SUSD1: variants seen among roughly 807,000 people sequenced by gnomAD.
SUSD1 encodes sushi domain containing 1.
In SUSD1, 65 loss-of-function variants were observed where a neutral mutation model predicts 86.9. That is an observed-to-expected ratio of 0.75 (90% CI 0.61 to 0.92). The LOEUF (loss-of-function observed/expected upper bound fraction) is 0.92, where lower values mean the gene tolerates loss of function less well. Ranked by LOEUF, SUSD1 falls within the 40% of genes least tolerant of loss-of-function variation. The pLI, the probability that SUSD1 is intolerant of heterozygous loss-of-function variation, is 0.00. For synonymous variants in SUSD1, 346 were observed against 350.0 expected (o/e 0.99, Z 0.13); for missense variants, 850 against 929.7 (o/e 0.91, Z 1.11).
chr9:112,144,242 GA>G (rs569006676), intron 3 of SUSD1, among the ~76,000 whole-genome samples: 20 of 128,608 alleles, frequency 1.6e-4, no homozygotes, highest in South Asian at 7.2e-4. Flanking sequence ...CCGTCTCAAA[GA>G]AAAAAAAAAA....
chr9:112,138,281 G>GTATATACACATATATATATGTAT (rs1491304710), intron 5 of SUSD1, among the ~76,000 whole-genome samples: 1 of 47,238 alleles, frequency 2.1e-5, no homozygotes, highest in Non-Finnish European at 4.3e-5. Flanking sequence ...ATATATATAT[G>GTATATACACATATATATATGTAT]AAGTCCAGGA....
intron 8 of SUSD1, chr9:112,105,031 G>A (rs922410885): frequency 1.3e-5 from 2 of 152,114 alleles, no homozygotes; most frequent in Non-Finnish European, 2.9e-5. Flanking sequence ...TAAAGGATTA[G>A]ATAATAAAAG....
intron 1 of SUSD1, among the ~76,000 whole-genome samples, chr9:112,159,242 G>A (rs1011267982): frequency 1.3e-5 from 2 of 152,068 alleles, no homozygotes; most frequent in African/African-American, 2.4e-5. Context: ...TTTCAGGAGC[G>A]ACCTAGTAAA....
intron 1 of SUSD1, 120 bp from the exon 2 acceptor site, chr9:112,157,733 G>C (rs1833395237): frequency 2.3e-5 from 14 of 617,676 alleles, no homozygotes; most frequent in Non-Finnish European, 3.9e-5. Flanking sequence ...GACACACCTA[G>C]TCTCATCCTT....
At chr9:112,066,368 T>C (rs189253956) in intron 12 of SUSD1, among the ~76,000 whole-genome samples, 44 of 152,240 alleles carry the variant, frequency 2.9e-4, no homozygotes, top group African/African-American at 1.0e-3. Context: ...AGGGAGACCA[T>C]AGGGACAGGT....
chr9:112,144,589 G>A (rs996118357), intron 3 of SUSD1, among the ~76,000 whole-genome samples: 1 of 152,098 alleles, frequency 6.6e-6, no homozygotes, highest in Non-Finnish European at 1.5e-5. Flanking sequence ...GCCTGGGAAC[G>A]AAGTGAGAAC....
chr9:112,111,797 C>T lies in SUSD1; in HGVS notation c.1028G>A (p.Arg343His), dbSNP rs1231851760. ...TGTGGTCAAGTTGACTGTCTCCTCA[C>T]GAACTGATTCCATAGGGTCCAACCG... is the stretch of plus-strand genomic sequence containing the variant. Reference protein sequence around the residue: ...GQRLDPMESVREETVNLTTDS... With the variant: ...GQRLDPMESVHEETVNLTTDS... Residue 343 changes from arginine (R) to histidine (H), a missense_variant, in exon 8 of 17, where the codon CGT becomes CAT. By Grantham distance (29) the Arg-to-His change is conservative. Coordinates refer to ENST00000374270, the MANE Select transcript of SUSD1 (RefSeq NM_022486.5). The T allele has an allele frequency of 5.0e-6, 8 of 1,614,078 alleles. No homozygotes were observed. Among genetic ancestry groups the T allele is most frequent in the African/African-American group, 2.7e-5 (2 of 74,994 alleles).
chr9:112,092,410 A>G (rs917823424), intron 10 of SUSD1, among the ~76,000 whole-genome samples: 1 of 152,232 alleles, frequency 6.6e-6, no homozygotes, highest in African/African-American at 2.4e-5. Context: ...TTTCTAACTG[A>G]TTCTTAATGT....
chr9:112,078,442 T>C (rs1228322254), intron 12 of SUSD1, 96 bp downstream of exon 12: 20 of 1,251,154 alleles, frequency 1.6e-5, no homozygotes, highest in Admixed American at 2.3e-5. Flanking sequence ...AAGTTCATTA[T>C]ATAATGATAA....
chr9:112,083,149 G>T (rs1408512542), intron 10 of SUSD1, among the ~76,000 whole-genome samples: 1 of 152,180 alleles, frequency 6.6e-6, no homozygotes, highest in Non-Finnish European at 1.5e-5. Flanking sequence ...CCATATTCAT[G>T]AGATGGGATA....
rs1208276727 is a variant in SUSD1, at chr9:112,141,787, A to C, written c.706+533T>G. Among the ~76,000 whole-genome samples the C allele has an allele frequency of 4.1e-5, 6 of 146,408 alleles. No homozygotes were observed. In the South Asian group the frequency reaches 1.3e-3, roughly 31 times the overall value. ...TATAATACATTACATGTAATATATT[A>C]CATATATTGTATATATTGTATATTA... On this transcript the variant is annotated intron_variant, in intron 5 of 16. Coordinates refer to ENST00000374270, the MANE Select transcript of SUSD1 (RefSeq NM_022486.5).
At chr9:112,138,259 GTA>G (rs1589709945) in intron 5 of SUSD1, among the ~76,000 whole-genome samples, 1 of 18,386 alleles carries the variant, frequency 5.4e-5, no homozygotes, top group Non-Finnish European at 9.9e-5. Context: ...ATATATATGT[GTA>G]TATACATATA....
At chr9:112,117,499 G>A (rs1431529583) in intron 6 of SUSD1, among the ~76,000 whole-genome samples, 2 of 152,032 alleles carry the variant, frequency 1.3e-5, no homozygotes, top group Non-Finnish European at 2.9e-5. Flanking sequence ...AAGAGCCTTT[G>A]TTTTGCTTTA....
Position 112,082,054 on chromosome 9 carries a change from G to T in SUSD1, c.1475-1889C>A, listed in dbSNP as rs75420792. On this transcript the variant is annotated intron_variant, in intron 10 of 16. Coordinates refer to ENST00000374270, the MANE Select transcript of SUSD1 (RefSeq NM_022486.5). ...GTAAAGTTAAGAACAATACAAGGAT[G>T]TCTGGTCTTGTAGCTATTACTGAGC... is the stretch of plus-strand genomic sequence containing the variant. Among the ~76,000 whole-genome samples, 923 of 152,236 alleles carry T rather than the reference G, an allele frequency of 6.1e-3. 65 individuals are homozygous for T. In the East Asian group the frequency reaches 0.15, roughly 24 times the overall value.
intron 7 of SUSD1, chr9:112,112,061 C>T: frequency 2.2e-6 from 1 of 447,658 alleles, no homozygotes; most frequent in Non-Finnish European, 4.0e-6. Flanking sequence ...AGGAAGTGCT[C>T]TCCTGCACAC....
At chr9:112,098,808 T>A in intron 9 of SUSD1, 146 bp from the exon 10 acceptor site, 1 of 751,674 alleles carries the variant, frequency 1.3e-6, no homozygotes, top group East Asian at 2.7e-5. Flanking sequence ...AATAGCAAGC[T>A]AACCTGAGGA....
intron 5 of SUSD1, among the ~76,000 whole-genome samples, chr9:112,140,490 G>A (rs1832516484): frequency 6.6e-6 from 1 of 151,402 alleles, no homozygotes; most frequent in African/African-American, 2.4e-5. Context: ...CTCGAGTCTG[G>A]GTGGCAGAGC....
rs115432559 is a variant in SUSD1, at chr9:112,171,541, G to A, written c.103+3592C>T. Among the ~76,000 whole-genome samples the A allele has an allele frequency of 7.9e-5, 12 of 152,268 alleles. No individual in the cohort carries two copies. The East Asian group carries it at 1.2e-3, about 15-fold the overall frequency. On this transcript the variant is annotated intron_variant, in intron 1 of 16. Transcript: ENST00000374270. ...TATTACTGGTGCTGTAAAGAGAAGC[G>A]GATAGTGGCAACGGACTTCCTAGGA...
At chr9:112,114,989 C>T (rs1679181287) in intron 6 of SUSD1, among the ~76,000 whole-genome samples, 1 of 152,176 alleles carries the variant, frequency 6.6e-6, no homozygotes, top group Admixed American at 6.5e-5. Context: ...TTTCCCACTC[C>T]TGGTGCCTGG....
Sources: allele counts gnomAD v4.1 joint callset (sites outside exome capture counted in the v4.1 genomes callset), GRCh38; gene constraint gnomAD v4.1.1; transcripts MANE v1.5; gene names NCBI Gene and HGNC (gene_info 2026-07-23, HGNC 2026-07-21).